The following PPP2R2B variants were observed in gnomAD, a reference collection of about 807,000 sequenced individuals.
PPP2R2B encodes serine/threonine-protein phosphatase 2A 55 kDa regulatory subunit B beta isoform.
Under a neutral mutation model 46.0 loss-of-function variants are expected in PPP2R2B, and 5 were observed. The ratio of observed to expected loss-of-function variants is 0.11; its 90% CI spans 0.06 to 0.23. The LOEUF is 0.23. Ranked by LOEUF, PPP2R2B falls within the 10% of genes least tolerant of loss-of-function variation. The pLI, the probability that PPP2R2B is intolerant of heterozygous loss-of-function variation, is 1.00. For missense variants in PPP2R2B, 367 were observed against 575.0 expected, an observed-to-expected ratio of 0.64 and a Z score of 3.70; for synonymous variants, 215 against 206.7, an observed-to-expected ratio of 1.04 and a Z score of -0.34.
chr5:146,857,444 C>T (rs1458005519), intron 2 of PPP2R2B, among the ~76,000 whole-genome samples: 1 of 152,014 alleles, frequency 6.6e-6, no homozygotes, highest in Non-Finnish European at 1.5e-5. Context: ...ATTTATTATC[C>T]TTAAATATCC....
At chr5:147,066,404 T>C (rs1031590949) in intron 2 of PPP2R2B, among the ~76,000 whole-genome samples, 1 of 152,184 alleles carries the variant, frequency 6.6e-6, no homozygotes, top group African/African-American at 2.4e-5. Flanking sequence ...TTATTATCCC[T>C]ATGTTACAGA....
At chr5:146,781,146 A>ATATATATATG (rs1660525968) in intron 2 of PPP2R2B, among the ~76,000 whole-genome samples, 1 of 68,420 alleles carries the variant, frequency 1.5e-5, no homozygotes, top group Admixed American at 1.5e-4. Context: ...ATATATATAT[A>ATATATATATG]TATATATATA....
chr5:146,687,398 A>G (rs1007854109), intron 5 of PPP2R2B, among the ~76,000 whole-genome samples: 3 of 152,056 alleles, frequency 2.0e-5, no homozygotes, highest in Admixed American at 6.6e-5. Flanking sequence ...TTGGAGCCTC[A>G]TTTGTTAAAT....
upstream of PPP2R2B, among the ~76,000 whole-genome samples, chr5:146,881,164 T>G (rs1179110205): frequency 6.6e-6 from 1 of 152,176 alleles, no homozygotes; most frequent in African/African-American, 2.4e-5. Flanking sequence ...TCAAGTTCTT[T>G]CCAAAAGTGG....
At chr5:147,066,827 A>G (rs1757428072) in intron 2 of PPP2R2B, among the ~76,000 whole-genome samples, 2 of 152,096 alleles carry the variant, frequency 1.3e-5, no homozygotes, top group South Asian at 4.2e-4. Context: ...TTTAGAGAAG[A>G]CCAGGGAAGC....
intron 1 of PPP2R2B, among the ~76,000 whole-genome samples, chr5:146,973,758 T>C (rs1752769826): frequency 6.6e-6 from 1 of 152,100 alleles, no homozygotes; most frequent in Admixed American, 6.6e-5. Context: ...TTTTAAAACA[T>C]CTTTGACAAG....
At chr5:146,745,717 T>C (rs1435563428) in intron 2 of PPP2R2B, among the ~76,000 whole-genome samples, 1 of 152,168 alleles carries the variant, frequency 6.6e-6, no homozygotes, top group Admixed American at 6.5e-5. Flanking sequence ...CTCAGCACTT[T>C]GGGAGGCCAA....
chr5:146,875,912 C>T (rs1002298697), intron 2 of PPP2R2B, among the ~76,000 whole-genome samples: 12 of 152,206 alleles, frequency 7.9e-5, no homozygotes, highest in Non-Finnish European at 8.8e-5. Flanking sequence ...AACAAAATTG[C>T]ATGAATCTTC....
chr5:146,654,746 G>C (rs1024205172), intron 5 of PPP2R2B, among the ~76,000 whole-genome samples: 1 of 152,168 alleles, frequency 6.6e-6, no homozygotes, highest in East Asian at 1.9e-4. Context: ...TGAGGTCTGA[G>C]AGGTTAAGCA....
At chr5:146,904,528 C>T (rs777651136) in intron 1 of PPP2R2B, among the ~76,000 whole-genome samples, 44 of 152,236 alleles carry the variant, frequency 2.9e-4, no homozygotes, top group African/African-American at 4.1e-4. Context: ...GCGTGTTCCC[C>T]GAGTCCTAAA....
chr5:146,752,955 T>C (rs1415871694), intron 2 of PPP2R2B, among the ~76,000 whole-genome samples: 4 of 152,152 alleles, frequency 2.6e-5, no homozygotes, highest in Non-Finnish European at 4.4e-5. Flanking sequence ...TGAGCTGAGA[T>C]CCACAGGAGA....
chr5:146,773,236 A>G (rs763333635), intron 2 of PPP2R2B, among the ~76,000 whole-genome samples: 1 of 152,228 alleles, frequency 6.6e-6, no homozygotes, highest in Non-Finnish European at 1.5e-5. Flanking sequence ...CTTGGAAATT[A>G]TGGGAAATGG....
chr5:147,016,668 T>C (rs1005382952), intron 1 of PPP2R2B, among the ~76,000 whole-genome samples: 1 of 144,108 alleles, frequency 6.9e-6, no homozygotes, highest in Admixed American at 7.0e-5. Flanking sequence ...TCCTTCTGTG[T>C]TGGGAAAATA....
chr5:146,978,146 A>G (rs1350297193), intron 1 of PPP2R2B, among the ~76,000 whole-genome samples: 2 of 152,120 alleles, frequency 1.3e-5, no homozygotes, highest in Non-Finnish European at 1.5e-5. Context: ...GCATTTTTTC[A>G]TATGTTTGTT....
At chr5:146,704,025 C>T (rs910065811) in intron 2 of PPP2R2B, among the ~76,000 whole-genome samples, 9 of 152,152 alleles carry the variant, frequency 5.9e-5, no homozygotes, top group Admixed American at 2.6e-4. Context: ...AGAGAATAAG[C>T]CGTGGCAGCT....
chr5:146,993,431 G>T (rs1289321454), intron 1 of PPP2R2B, among the ~76,000 whole-genome samples: 1 of 135,996 alleles, frequency 7.4e-6, no homozygotes, highest in African/African-American at 2.8e-5. Context: ...TAATAGAGAT[G>T]GGGTTTTGCC....
chr5:146,687,014 AGT>A (rs1027937426), intron 5 of PPP2R2B, among the ~76,000 whole-genome samples: 87 of 140,134 alleles, frequency 6.2e-4, no homozygotes, highest in African/African-American at 7.7e-4. Flanking sequence ...TCAATGTGTA[AGT>A]GTGTGTGTAT....
At chr5:146,664,122 G>C (rs1439758073) in intron 5 of PPP2R2B, among the ~76,000 whole-genome samples, 18 of 152,136 alleles carry the variant, frequency 1.2e-4, no homozygotes, top group Non-Finnish European at 4.4e-5. Flanking sequence ...TTACAGGCAT[G>C]AGCCACCGCG....
At chr5:146,907,882 T>A (rs904038058) in intron 1 of PPP2R2B, among the ~76,000 whole-genome samples, 6 of 152,164 alleles carry the variant, frequency 3.9e-5, no homozygotes, top group Non-Finnish European at 7.3e-5. Flanking sequence ...ATGCAGTGGT[T>A]TGTTAGTCTT....
Sources: allele counts gnomAD v4.1 joint callset (sites outside exome capture counted in the v4.1 genomes callset), GRCh38; gene constraint gnomAD v4.1.1; transcripts MANE v1.5; gene names NCBI Gene and HGNC (gene_info 2026-07-23, HGNC 2026-07-21).